Variants in ITPR1 observed in about 807,000 individuals in gnomAD.
The protein encoded by ITPR1 is inositol 1,4,5-trisphosphate receptor type 1.
A neutral mutation model predicts 318.4 loss-of-function variants in ITPR1; 96 were observed. That is an observed-to-expected ratio of 0.30 (90% confidence interval 0.26 to 0.36). The LOEUF (loss-of-function observed/expected upper bound fraction) is 0.36, where lower values mean the gene tolerates loss of function less well. ITPR1 is among the 10% of genes least tolerant of loss of function. The probability of loss-of-function intolerance (pLI) is 1.00; values close to 1 mark genes in which losing one functional copy is unlikely to be tolerated. For missense variants in ITPR1, 2,440 were observed against 3,460.2 expected (o/e 0.71, Z 7.40); for synonymous variants, 1,312 against 1,289.9 (o/e 1.02, Z -0.37).
intron 4 of ITPR1, among the ~76,000 whole-genome samples, chr3:4,551,348 T>C (rs1364057635): frequency 3.9e-5 from 6 of 152,176 alleles, no homozygotes; most frequent in Admixed American, 2.0e-4. Flanking sequence ...GCCCTCACTT[T>C]TGGTGCTGAG....
chr3:4,691,370 C>G, intron 32 of ITPR1, 26 bp downstream of exon 32: 3 of 1,472,662 alleles, frequency 2.0e-6, no homozygotes, highest in Non-Finnish European at 2.8e-6. Flanking sequence ...TTCTGTATAC[C>G]TCCATCTGGT....
chr3:4,534,908 A>G (rs77680865), intron 4 of ITPR1, among the ~76,000 whole-genome samples: 11 of 152,336 alleles, frequency 7.2e-5, no homozygotes, highest in Admixed American at 3.3e-4. Flanking sequence ...GTGAAGGACT[A>G]TCACTTGAGA....
At chr3:4,569,345 T>TA in intron 4 of ITPR1, among the ~76,000 whole-genome samples, 1 of 152,384 alleles carries the variant, frequency 6.6e-6, no homozygotes, top group East Asian at 1.9e-4. Flanking sequence ...TAAAACATTT[T>TA]AAAACAGTTT....
At chr3:4,825,413 A>G (rs2291860) in intron 60 of ITPR1, among the ~76,000 whole-genome samples, 29,099 of 152,134 alleles carry the variant, frequency 0.19, 2,959 homozygotes, top group Admixed American at 0.25. Context: ...CGCATTCCTG[A>G]AAAATGCTTT....
At chr3:4,536,877 G>A (rs78782715) in intron 4 of ITPR1, among the ~76,000 whole-genome samples, 19 of 152,270 alleles carry the variant, frequency 1.2e-4, no homozygotes, top group African/African-American at 4.3e-4. Context: ...GATGTGTCAG[G>A]TTGGTTGTTG....
At chr3:4,573,355 C>T (rs144970971) in intron 4 of ITPR1, among the ~76,000 whole-genome samples, 121 of 152,274 alleles carry the variant, frequency 7.9e-4, no homozygotes, top group Non-Finnish European at 1.5e-3. Context: ...TCCCATCTAT[C>T]ACTGTCACCT....
At chr3:4,580,376 A>T (rs2089201114) in intron 4 of ITPR1, among the ~76,000 whole-genome samples, 1 of 152,210 alleles carries the variant, frequency 6.6e-6, no homozygotes, top group Non-Finnish European at 1.5e-5. Flanking sequence ...TTTTTAACTC[A>T]TCCAGCCATT....
At chr3:4,820,843 G>A (rs533471467) in intron 60 of ITPR1, among the ~76,000 whole-genome samples, 10 of 152,294 alleles carry the variant, frequency 6.6e-5, no homozygotes, top group Non-Finnish European at 1.0e-4. Flanking sequence ...TCCTAAGGGA[G>A]CATTAGCCCC....
chr3:4,795,706 T>G (rs1480680105), intron 53 of ITPR1, among the ~76,000 whole-genome samples: 1 of 152,220 alleles, frequency 6.6e-6, no homozygotes, highest in Non-Finnish European at 1.5e-5. Context: ...TGTACAATGT[T>G]TAGTCTATTA....
intron 61 of ITPR1, among the ~76,000 whole-genome samples, chr3:4,841,987 G>C (rs1337814819): frequency 6.6e-6 from 1 of 152,210 alleles, no homozygotes; most frequent in African/African-American, 2.4e-5. Flanking sequence ...TTTAGAATCT[G>C]AGTAACCAAG....
intron 60 of ITPR1, among the ~76,000 whole-genome samples, chr3:4,832,066 G>A (rs926746582): frequency 6.6e-6 from 1 of 152,202 alleles, no homozygotes; most frequent in South Asian, 2.1e-4. Context: ...GGTAATTTGA[G>A]ATTTAATTTC....
intron 34 of ITPR1, among the ~76,000 whole-genome samples, chr3:4,697,565 C>T (rs1023533673): frequency 6.7e-6 from 1 of 149,174 alleles, no homozygotes; most frequent in Non-Finnish European, 1.5e-5. Context: ...AATTATCCTG[C>T]CTCAGCCTCC....
intron 42 of ITPR1, among the ~76,000 whole-genome samples, chr3:4,727,397 AC>A (rs1327357492): frequency 1.2e-5 from 1 of 81,778 alleles, no homozygotes; most frequent in Non-Finnish European, 4.1e-5. Flanking sequence ...CCAAATAATG[AC>A]CAAGTAAACT....
intron 2 of ITPR1, among the ~76,000 whole-genome samples, chr3:4,497,945 T>TA (rs2080724436): frequency 6.6e-6 from 1 of 152,220 alleles, no homozygotes; most frequent in East Asian, 1.9e-4. Flanking sequence ...AAGCCAGAAA[T>TA]AAAAGGACAC....
chr3:4,615,168 C>T lies in ITPR1; in HGVS notation c.164-12595C>T, dbSNP rs141595900. Among the ~76,000 whole-genome samples, 249 of 152,250 alleles carry T rather than the reference C, an allele frequency of 1.6e-3. 1 individual carries two copies. Among genetic ancestry groups the T allele is most frequent in the African/African-American group, 5.7e-3 (235 of 41,552 alleles). The stretch of plus-strand genomic sequence containing the variant: ...CGTACTGACACTTCTCCACATTGCT[C>T]CTGGACCTCTGACCCAGTTATCACA... On this transcript the variant is annotated intron_variant, in intron 4 of 61. Transcript: ENST00000649015.
At chr3:4,524,614 G>T (rs1480164387) in intron 4 of ITPR1, among the ~76,000 whole-genome samples, 1 of 152,124 alleles carries the variant, frequency 6.6e-6, no homozygotes, top group African/African-American at 2.4e-5. Context: ...TGCTTCCATT[G>T]TTTCCTTGCC....
At chr3:4,792,254 C>A (rs1279704461) in intron 52 of ITPR1, among the ~76,000 whole-genome samples, 1 of 152,222 alleles carries the variant, frequency 6.6e-6, no homozygotes, top group East Asian at 1.9e-4. Context: ...ATCATACCTG[C>A]AAAGCCCCTT....
At chr3:4,503,281 G>A (rs2124881579) in intron 2 of ITPR1, among the ~76,000 whole-genome samples, 1 of 152,194 alleles carries the variant, frequency 6.6e-6, no homozygotes, top group Non-Finnish European at 1.5e-5. Context: ...CTGCTTTCAG[G>A]TCATATTGGT....
In ITPR1 at chr3:4,759,921, C is replaced by G. The variant is rs556319827; in HGVS notation, c.5545-6609C>G. 2.0e-5 allele frequency among the ~76,000 whole-genome samples: 3 copies of G among 152,352 alleles called. No homozygotes were observed. In the South Asian group the frequency reaches 6.2e-4, roughly 32 times the overall value. ...GAAACAGCCACTGCCGGGGTCACTG[C>G]CTCACCCTGCCCCTGCCCCTGCCCT... On this transcript the variant is annotated intron_variant, in intron 44 of 61. Coordinates refer to ENST00000649015, the MANE Select transcript of ITPR1 (RefSeq NM_001378452.1).
Sources: allele counts gnomAD v4.1 joint callset (sites outside exome capture counted in the v4.1 genomes callset), GRCh38; gene constraint gnomAD v4.1.1; transcripts MANE v1.5; gene names NCBI Gene and HGNC (gene_info 2026-07-23, HGNC 2026-07-21).